ANK3: variants seen among roughly 807,000 people sequenced by gnomAD.
ANK3 encodes ankyrin 3, also known as ankyrin-3.
ANK3 carries 57 observed loss-of-function variants against 370.9 expected under a neutral mutation model. The ratio of observed to expected loss-of-function variants is 0.15; its 90% confidence interval spans 0.12 to 0.19. The LOEUF (loss-of-function observed/expected upper bound fraction) is 0.19. ANK3 is among the 10% of genes least tolerant of loss of function. The pLI is 1.00. For synonymous variants in ANK3, 1,929 were observed against 1,946.3 expected, an observed-to-expected ratio of 0.99 and a Z score of 0.23; for missense variants, 4,439 against 5,302.1, an observed-to-expected ratio of 0.84 and a Z score of 5.06.
rs191792213 is a variant in ANK3, at chr10:60,172,916, G to C, written c.2366C>G (p.Pro789Arg). ...INVLLQNNAS[P>R]NELTVNGNTA... is the part of the protein sequence containing the mutation. ...AGCGCTTACCACAGTGAGTTCATTG[G>C]GGGAGGCGTTGTTCTGAAGTAAGAC... The change falls in exon 20 of 44, where the codon CCC (proline) becomes CGC (arginine). Residue 789 changes from proline (P) to arginine (R), a missense_variant. By Grantham distance (103) the Pro-to-Arg change is moderately radical. Around this residue, in one of 13 missense-constraint regions of ANK3, gnomAD observed 702 missense variants for 941.5 expected, o/e 0.75. Transcript: ENST00000280772. The C allele has an allele frequency of 3.7e-6, 6 of 1,613,532 alleles. No homozygotes were observed. The highest frequency in any genetic ancestry group is 4.2e-6 in the Non-Finnish European group (5 of 1,179,556).
intron 1 of ANK3, among the ~76,000 whole-genome samples, chr10:60,350,404 C>T (rs370158555): frequency 3.9e-5 from 6 of 152,196 alleles, no homozygotes; most frequent in Middle Eastern, 3.4e-3. Flanking sequence ...CTTCAGGTCA[C>T]GAAAAGCTCA....
chr10:60,623,100 G>T (rs2078360285), intron 1 of ANK3, among the ~76,000 whole-genome samples: 1 of 152,144 alleles, frequency 6.6e-6, no homozygotes, highest in Admixed American at 6.6e-5. Context: ...CATGTATTGG[G>T]TCTTCCCCCA....
intron 2 of ANK3, among the ~76,000 whole-genome samples, chr10:60,418,867 C>A (rs1337040734): frequency 1.3e-5 from 2 of 151,964 alleles, no homozygotes; most frequent in South Asian, 4.2e-4. Flanking sequence ...TATAAAACAC[C>A]CTGAGTTTCA....
intron 1 of ANK3, among the ~76,000 whole-genome samples, chr10:60,674,217 G>A (rs2079097024): frequency 6.6e-6 from 1 of 152,026 alleles, no homozygotes; most frequent in Admixed American, 6.6e-5. Flanking sequence ...AATTTGATGA[G>A]TTTTTATAAA....
intron 7 of ANK3, among the ~76,000 whole-genome samples, chr10:60,250,925 T>A (rs923377963): frequency 6.6e-6 from 1 of 152,204 alleles, no homozygotes; most frequent in Non-Finnish European, 1.5e-5. Flanking sequence ...TGTGATGATA[T>A]TGGATTACGT....
intron 2 of ANK3, among the ~76,000 whole-genome samples, chr10:60,443,277 T>G (rs1448790960): frequency 6.6e-6 from 1 of 152,038 alleles, no homozygotes; most frequent in Non-Finnish European, 1.5e-5. Context: ...AAAGGACATT[T>G]GTTAGAATAA....
At chr10:60,455,695 CA>C (rs1280467207) in intron 2 of ANK3, among the ~76,000 whole-genome samples, 1 of 152,126 alleles carries the variant, frequency 6.6e-6, no homozygotes, top group Non-Finnish European at 1.5e-5. Flanking sequence ...GTATATATTT[CA>C]AATTCTCTAC....
At chr10:60,362,540 C>G (rs1172303568) in intron 1 of ANK3, among the ~76,000 whole-genome samples, 1 of 152,164 alleles carries the variant, frequency 6.6e-6, no homozygotes, top group African/African-American at 2.4e-5. Flanking sequence ...GCACGTGAGC[C>G]TGCAGGGGTT....
chr10:60,372,901 G>A (rs1296517879), intron 1 of ANK3, among the ~76,000 whole-genome samples: 1 of 152,154 alleles, frequency 6.6e-6, no homozygotes, highest in African/African-American at 2.4e-5. Context: ...TGAATCATGT[G>A]TTTTCATCTG....
At chr10:60,465,106 A>C (rs1315558898) in intron 2 of ANK3, among the ~76,000 whole-genome samples, 1 of 151,928 alleles carries the variant, frequency 6.6e-6, no homozygotes, top group African/African-American at 2.4e-5. Context: ...TCCCCACAAA[A>C]ATTAGCTGGG....
At chr10:60,290,093 A>C (rs186409340) in intron 1 of ANK3, among the ~76,000 whole-genome samples, 194 of 152,302 alleles carry the variant, frequency 1.3e-3, no homozygotes, top group Non-Finnish European at 2.4e-3. Flanking sequence ...ATTTTTATAG[A>C]TATCTTGCAC....
At chr10:60,599,669 A>C (rs1228838580) in intron 2 of ANK3, among the ~76,000 whole-genome samples, 1 of 152,178 alleles carries the variant, frequency 6.6e-6, no homozygotes, top group Non-Finnish European at 1.5e-5. Flanking sequence ...TGATATCCTA[A>C]CTGGTGTTCT....
Position 60,234,589 on chromosome 10 carries a change from A to G in ANK3, c.897+99T>C. 8 of 685,408 alleles carry G rather than the reference A, an allele frequency of 1.2e-5. No homozygotes were observed. In the South Asian group the frequency reaches 1.3e-4, roughly 11 times the overall value. 42.5% of individuals were successfully genotyped at this position (685,408 alleles called of 1,614,324 possible). A position where few individuals can be genotyped will look rare whatever the true frequency, so the allele number is the denominator to read the frequency against. On this transcript the variant is annotated intron_variant, in intron 8 of 43. Transcript: ENST00000280772. ...TCCAAGAGACTATAACAAATAGAACAGAAAACAAAGCTCATGTTGTATCAG... is the reference window on the plus strand; with the variant it reads ...TCCAAGAGACTATAACAAATAGAACGGAAAACAAAGCTCATGTTGTATCAG...
intron 16 of ANK3, among the ~76,000 whole-genome samples, chr10:60,194,671 G>C (rs773018814): frequency 6.6e-6 from 1 of 152,060 alleles, no homozygotes; most frequent in Non-Finnish European, 1.5e-5. Flanking sequence ...TATTTGCATT[G>C]TTTCCACCTT....
At chr10:60,385,162 C>A (rs1264059525) in intron 1 of ANK3, among the ~76,000 whole-genome samples, 1 of 152,142 alleles carries the variant, frequency 6.6e-6, no homozygotes. Flanking sequence ...GATCTTCATG[C>A]TCTGGCACCT....
At chr10:60,560,147 C>T (rs372594705) in intron 2 of ANK3, among the ~76,000 whole-genome samples, 1 of 151,970 alleles carries the variant, frequency 6.6e-6, no homozygotes, top group South Asian at 2.1e-4. Context: ...CTCCAAAAAA[C>T]CTTTTATACA....
chr10:60,070,510 G>C lies in ANK3; in HGVS notation c.10371C>G (p.Arg3457=). Residue 3457 remains arginine, a synonymous_variant, in exon 37 of 44, where the codon CGC becomes CGG. Coordinates refer to ENST00000280772, the MANE Select transcript of ANK3 (RefSeq NM_020987.5). The surrounding 1 kb of genome is among the most constrained non-coding windows in gnomAD (Gnocchi z 5.7). Reference sequence around the variant, plus strand: ...CTTCAAGTTTACTTTGGCTAAAAGAGCGGTCAGCTGGCTTCAGAATGCCCT... The same window carrying C: ...CTTCAAGTTTACTTTGGCTAAAAGACCGGTCAGCTGGCTTCAGAATGCCCT... ...NTEGILKPAD[R]SFSQSKLEVI... is the part of the protein sequence containing the mutation. 6.2e-7 allele frequency: 1 copy of C among 1,614,148 alleles called. No individual in the cohort carries two copies. The highest frequency in any genetic ancestry group is 8.5e-7 in the Non-Finnish European group (1 of 1,180,018).
At chr10:60,256,257 T>C (rs533184871) in intron 7 of ANK3, among the ~76,000 whole-genome samples, 86 of 152,268 alleles carry the variant, frequency 5.6e-4, no homozygotes, top group African/African-American at 2.0e-3. Flanking sequence ...TAGGGACTAA[T>C]AAAGTACTAA....
chr10:60,414,133 A>C (rs955908443), intron 2 of ANK3, among the ~76,000 whole-genome samples: 3 of 152,246 alleles, frequency 2.0e-5, no homozygotes, highest in Non-Finnish European at 4.4e-5. Context: ...TGTGATTTGA[A>C]AAAAGTGGTT....
Sources: allele counts gnomAD v4.1 joint callset (sites outside exome capture counted in the v4.1 genomes callset), GRCh38; gene constraint gnomAD v4.1.1; regional missense constraint gnomAD v4.1.1; non-coding constraint Gnocchi (gnomAD v3.1); transcripts MANE v1.5; gene names NCBI Gene and HGNC (gene_info 2026-07-23, HGNC 2026-07-21).